The following EMCN variants were observed in gnomAD, a reference collection of about 807,000 sequenced individuals.
EMCN encodes MUC-14.
A neutral mutation model predicts 38.4 loss-of-function variants in EMCN; 37 were observed. That is an observed-to-expected ratio of 0.96 (90% confidence interval 0.74 to 1.27). The LOEUF is 1.27. EMCN is among the 50% of genes most tolerant of loss of function. The pLI, the probability that EMCN is intolerant of heterozygous loss-of-function variation, is 0.00. For missense variants in EMCN, 318 were observed against 302.8 expected, an observed-to-expected ratio of 1.05 and a Z score of -0.37; for synonymous variants, 95 against 100.8, an observed-to-expected ratio of 0.94 and a Z score of 0.35.
intron 1 of EMCN, among the ~76,000 whole-genome samples, chr4:100,493,359 A>T (rs1378234482): frequency 6.6e-6 from 1 of 152,182 alleles, no homozygotes; most frequent in Non-Finnish European, 1.5e-5. Flanking sequence ...TTGTAAAACA[A>T]AAAGATTGCA....
chr4:100,517,949 C>T lies in EMCN; in HGVS notation c.-35G>A, dbSNP rs747172439. The T allele has an allele frequency of 1.2e-6, 2 of 1,605,752 alleles. No individual in the cohort carries two copies. Among genetic ancestry groups the T allele is most frequent in the Non-Finnish European group, 1.7e-6 (2 of 1,172,898 alleles). On this transcript the variant is annotated 5_prime_UTR_variant, in exon 1 of 12. Transcript: ENST00000296420. Reference sequence around the variant, plus strand: ...AGATGGTGTCAATATCTTCTTTCTCCAGAAGCAGGCAGGGACAATTCCCTC... The same window carrying T: ...AGATGGTGTCAATATCTTCTTTCTCTAGAAGCAGGCAGGGACAATTCCCTC...
At chr4:100,506,018 A>G (rs1729471112) in intron 1 of EMCN, among the ~76,000 whole-genome samples, 2 of 152,320 alleles carry the variant, frequency 1.3e-5, no homozygotes, top group South Asian at 2.1e-4. Context: ...TCACCAAATC[A>G]ATATTAAAGA....
At chr4:100,494,405 C>T (rs1041684724) in intron 1 of EMCN, among the ~76,000 whole-genome samples, 2 of 152,080 alleles carry the variant, frequency 1.3e-5, no homozygotes, top group Non-Finnish European at 2.9e-5. Context: ...AGAATATGCT[C>T]AAAGTCTGGT....
intron 7 of EMCN, among the ~76,000 whole-genome samples, chr4:100,422,638 C>T (rs771297816): frequency 6.6e-5 from 10 of 151,460 alleles, no homozygotes; most frequent in Non-Finnish European, 1.5e-4. Context: ...GGTATACAAC[C>T]TGATAATTTG....
chr4:100,440,056 C>T (rs2903214), intron 5 of EMCN, among the ~76,000 whole-genome samples: 16,271 of 151,834 alleles, frequency 0.11, 2,047 homozygotes, highest in East Asian at 0.56. Flanking sequence ...TGGCCTATCC[C>T]AGGGAATGTT....
intron 4 of EMCN, among the ~76,000 whole-genome samples, chr4:100,461,677 T>G (rs1016299267): frequency 6.6e-6 from 1 of 152,188 alleles, no homozygotes; most frequent in Non-Finnish European, 1.5e-5. Context: ...AGAAATGTTT[T>G]GAGTATGATC....
chr4:100,460,686 G>A (rs1172606478), intron 4 of EMCN, among the ~76,000 whole-genome samples: 1 of 152,066 alleles, frequency 6.6e-6, no homozygotes, highest in Non-Finnish European at 1.5e-5. Flanking sequence ...GGAAATTATG[G>A]GAGCTACAAT....
chr4:100,506,713 C>T (rs1729488531), intron 1 of EMCN, among the ~76,000 whole-genome samples: 2 of 152,042 alleles, frequency 1.3e-5, no homozygotes, highest in African/African-American at 4.8e-5. Flanking sequence ...TTAGTGTGGC[C>T]AAACAACACA....
At chr4:100,488,937 A>G (rs909606935) in intron 1 of EMCN, among the ~76,000 whole-genome samples, 2 of 152,156 alleles carry the variant, frequency 1.3e-5, no homozygotes, top group Non-Finnish European at 2.9e-5. Flanking sequence ...GTTACAGAAA[A>G]TGTAACTTAA....
intron 1 of EMCN, among the ~76,000 whole-genome samples, chr4:100,484,385 A>G (rs1360109651): frequency 6.6e-6 from 1 of 152,116 alleles, no homozygotes; most frequent in Non-Finnish European, 1.5e-5. Context: ...AATCTTTGTA[A>G]TTATATTTTT....
chr4:100,475,029 A>T lies in EMCN; in HGVS notation c.259+9T>A. The T allele has an allele frequency of 7.0e-7, 1 of 1,429,458 alleles. No homozygotes were observed. Among genetic ancestry groups the T allele is most frequent in the Non-Finnish European group, 9.6e-7 (1 of 1,044,830 alleles). 88.5% of individuals were successfully genotyped at this position (1,429,458 alleles called of 1,614,324 possible). ...TTTTAAAATTGTAGAAAAATGAATC[A>T]TTACTCACCTTCATCTTTACTTGTT... On this transcript the variant is annotated intron_variant, in intron 3 of 11. Transcript: ENST00000296420.
At chr4:100,475,300 C>T (rs1235501537) in intron 2 of EMCN, among the ~76,000 whole-genome samples, 191 bp from the exon 3 acceptor site, 3 of 124,432 alleles carry the variant, frequency 2.4e-5, no homozygotes, top group African/African-American at 8.9e-5. Context: ...ATTTGGGTGG[C>T]CTACACACAC....
intron 11 of EMCN, among the ~76,000 whole-genome samples, chr4:100,402,254 A>C (rs748971021): frequency 2.0e-5 from 3 of 152,152 alleles, no homozygotes; most frequent in Non-Finnish European, 4.4e-5. Flanking sequence ...CTGTGCACTA[A>C]ATAGATGATC....
intron 4 of EMCN, among the ~76,000 whole-genome samples, chr4:100,449,547 A>C (rs1727780685): frequency 6.6e-6 from 1 of 152,078 alleles, no homozygotes; most frequent in Non-Finnish European, 1.5e-5. Flanking sequence ...TGAAAGATAC[A>C]ATTAAAATAT....
intron 1 of EMCN, among the ~76,000 whole-genome samples, chr4:100,514,297 T>TA (rs563765250): frequency 4.0e-5 from 6 of 151,894 alleles, no homozygotes; most frequent in Admixed American, 6.6e-5. Context: ...TTTCTGGTAT[T>TA]AAAAAAAACT....
At chr4:100,487,135 G>T in intron 1 of EMCN, 2 of 448,056 alleles carry the variant, frequency 4.5e-6, no homozygotes, top group Non-Finnish European at 5.9e-6. Context: ...CTTGTCCTGA[G>T]ATCCCTTTCT....
chr4:100,454,539 G>A (rs978349705), intron 4 of EMCN, among the ~76,000 whole-genome samples: 3 of 152,176 alleles, frequency 2.0e-5, no homozygotes, highest in Non-Finnish European at 2.9e-5. Context: ...CCTGGAACCT[G>A]TGATCTTATT....
rs545594620 is a variant in EMCN at position 100,401,224 on chromosome 4, G to T, written c.*40-2851C>A. 2.6e-5 allele frequency among the ~76,000 whole-genome samples: 4 copies of T among 152,164 alleles called. No individual in the cohort carries two copies. In the South Asian group the frequency reaches 6.2e-4, roughly 24 times the overall value. ...GGCCTTCCATATCTGTGGGTTCTATGTCCACAGATTCAACCAGCTGTGAAT... is the reference window on the plus strand; with the variant it reads ...GGCCTTCCATATCTGTGGGTTCTATTTCCACAGATTCAACCAGCTGTGAAT... On this transcript the variant is annotated intron_variant, in intron 11 of 11. Transcript: ENST00000296420.
At chr4:100,442,412 G>T (rs1727547953) in intron 5 of EMCN, among the ~76,000 whole-genome samples, 1 of 152,136 alleles carries the variant, frequency 6.6e-6, no homozygotes, top group South Asian at 2.1e-4. Flanking sequence ...TGAGCTTTAT[G>T]AATCCAAATG....
Sources: allele counts gnomAD v4.1 joint callset (sites outside exome capture counted in the v4.1 genomes callset), GRCh38; gene constraint gnomAD v4.1.1; transcripts MANE v1.5; gene names NCBI Gene and HGNC (gene_info 2026-07-23, HGNC 2026-07-21).